DMD: variants seen among roughly 807,000 people sequenced by gnomAD.
The protein encoded by DMD is dystrophin.
A neutral mutation model predicts 330.1 loss-of-function variants in DMD; 63 were observed. The observed-to-expected ratio is 0.19, with a 90% CI of 0.16 to 0.24. The LOEUF is 0.24. Among genes scored for constraint, DMD ranks in the 10% least tolerant of loss-of-function variants. DMD has a pLI of 1.00. For missense variants in DMD, 3,344 were observed against 2,684.1 expected (o/e 1.25, Z -5.43); for synonymous variants, 1,223 against 959.8 (o/e 1.27, Z -5.07).
At chrX:32,734,376 T>C (rs1290800709) in intron 7 of DMD, among the ~76,000 whole-genome samples, 1 of 98,430 alleles carries the variant, frequency 1.0e-5, no homozygotes. Flanking sequence ...ACTATTCCAA[T>C]CAATAGAAAA....
chrX:33,179,217 G>A (rs188783408), intron 1 of DMD, among the ~76,000 whole-genome samples: 67 of 111,631 alleles, frequency 6.0e-4, no homozygotes, highest in African/African-American at 2.1e-3. Context: ...TTCAAAGCAT[G>A]AACATTTGAA....
At chrX:32,489,846 T>C (rs768732880) in intron 20 of DMD, among the ~76,000 whole-genome samples, 20 of 111,967 alleles carry the variant, frequency 1.8e-4, no homozygotes, top group Non-Finnish European at 3.6e-4. Context: ...AAAGCGGCAT[T>C]GGTTCTATTC....
At chrX:32,224,154 T>C (rs1282413900) in intron 43 of DMD, among the ~76,000 whole-genome samples, 1 of 111,550 alleles carries the variant, frequency 9.0e-6, no homozygotes, top group Admixed American at 9.6e-5. Flanking sequence ...TCCTACTCTG[T>C]GGGTTTCATT....
intron 1 of DMD, among the ~76,000 whole-genome samples, chrX:33,061,672 A>G (rs750126040): frequency 3.8e-4 from 42 of 111,634 alleles, no homozygotes; most frequent in Non-Finnish European, 6.8e-4. Flanking sequence ...CCTGTTTACT[A>G]CAAATCAAAG....
intron 55 of DMD, among the ~76,000 whole-genome samples, chrX:31,519,678 A>G (rs943835990): frequency 1.8e-5 from 2 of 112,302 alleles, no homozygotes; most frequent in African/African-American, 3.2e-5. Context: ...AAATAATCAC[A>G]GACACTCATC....
intron 62 of DMD, among the ~76,000 whole-genome samples, chrX:31,292,119 A>G (rs1301392534): frequency 8.9e-6 from 1 of 111,804 alleles, no homozygotes; most frequent in African/African-American, 3.2e-5. Flanking sequence ...ATATTGGACT[A>G]TATTAAAGTT....
intron 51 of DMD, among the ~76,000 whole-genome samples, chrX:31,765,466 A>G (rs1330713121): frequency 1.8e-5 from 2 of 111,791 alleles, no homozygotes; most frequent in Non-Finnish European, 3.8e-5. Context: ...TCAATAAATA[A>G]CAGATGAATG....
intron 55 of DMD, among the ~76,000 whole-genome samples, chrX:31,535,370 A>G (rs2073304882): frequency 2.3e-5 from 1 of 43,449 alleles, no homozygotes; most frequent in Non-Finnish European, 4.2e-5. Context: ...CAAACCTGAG[A>G]AAAACAAGCA....
chrX:31,777,928 ACCC>A, intron 50 of DMD, among the ~76,000 whole-genome samples: 1 of 111,569 alleles, frequency 9.0e-6, no homozygotes, highest in Non-Finnish European at 1.9e-5. Flanking sequence ...ACCAGATTTG[ACCC>A]TCCAGACTTA....
chrX:32,824,173 A>C (rs1481250813), intron 4 of DMD, among the ~76,000 whole-genome samples: 1 of 112,069 alleles, frequency 8.9e-6, no homozygotes, highest in Non-Finnish European at 1.9e-5. Context: ...CAAATGATAT[A>C]GCCACTTTGG....
At chrX:31,756,566 G>T (rs1485568142) in intron 51 of DMD, among the ~76,000 whole-genome samples, 1 of 112,697 alleles carries the variant, frequency 8.9e-6, no homozygotes, top group Non-Finnish European at 1.9e-5. Context: ...GCATTGCCTT[G>T]GGCAAGTCAC....
intron 44 of DMD, among the ~76,000 whole-genome samples, chrX:32,208,271 G>A (rs924787745): frequency 3.6e-5 from 4 of 112,051 alleles, no homozygotes; most frequent in Non-Finnish European, 5.6e-5. Flanking sequence ...TGGGATATAC[G>A]ACCACGGTTA....
chrX:31,206,777 C>T (rs917269997), intron 65 of DMD, 110 bp from the exon 66 acceptor site: 5 of 599,835 alleles, frequency 8.3e-6, no homozygotes, highest in Non-Finnish European at 1.4e-5. Context: ...GTAAAGTGCT[C>T]AATGATGTGT....
chrX:32,464,875 G>C (rs1557370187), intron 23 of DMD, among the ~76,000 whole-genome samples, 176 bp from the exon 24 acceptor site: 1 of 111,951 alleles, frequency 8.9e-6, no homozygotes, highest in African/African-American at 3.2e-5. Flanking sequence ...ATGGTCTACT[G>C]TATGAGCACT....
chrX:32,804,533 A>C (rs762933513), intron 7 of DMD, among the ~76,000 whole-genome samples: 1 of 112,672 alleles, frequency 8.9e-6, no homozygotes, highest in Admixed American at 9.3e-5. Flanking sequence ...GGGAAGGGGC[A>C]GCTGTGGGTG....
At chrX:33,003,422 G>C (rs1178870066) in intron 2 of DMD, among the ~76,000 whole-genome samples, 1 of 111,780 alleles carries the variant, frequency 8.9e-6, no homozygotes, top group Non-Finnish European at 1.9e-5. Context: ...GTGGAAGAAA[G>C]GTAGCACTTC....
At chrX:32,033,272 G>A (rs901287194) in intron 44 of DMD, among the ~76,000 whole-genome samples, 5 of 111,267 alleles carry the variant, frequency 4.5e-5, no homozygotes, top group Admixed American at 3.9e-4. Flanking sequence ...TTACATTTCA[G>A]TTAAGTAGGA....
intron 60 of DMD, among the ~76,000 whole-genome samples, chrX:31,384,201 G>C: frequency 9.0e-6 from 1 of 111,503 alleles, no homozygotes; most frequent in Non-Finnish European, 1.9e-5. Flanking sequence ...TCTCCCATGA[G>C]GGGTGGAACT....
At chrX:31,388,314 T>C (rs2060546847) in intron 60 of DMD, among the ~76,000 whole-genome samples, 1 of 111,167 alleles carries the variant, frequency 9.0e-6, no homozygotes, top group Non-Finnish European at 1.9e-5. Flanking sequence ...ATCATCTGTC[T>C]TCTTTACAAG....
Sources: gnomAD v4.1 joint callset for allele counts (sites outside exome capture counted in the v4.1 genomes callset) on GRCh38, gnomAD v4.1.1 for gene constraint, MANE v1.5 for transcripts, NCBI Gene and HGNC (gene_info 2026-07-23, HGNC 2026-07-21) for gene names.